Variants in MMP16 observed in about 807,000 individuals in gnomAD.
The protein encoded by MMP16 is matrix metallopeptidase 16.
MMP16 carries 12 observed loss-of-function variants against 67.8 expected under a neutral mutation model. The ratio of observed to expected loss-of-function variants is 0.18; its 90% CI spans 0.11 to 0.29. The LOEUF is 0.29. Among genes scored for constraint, MMP16 ranks in the 10% least tolerant of loss-of-function variants. The probability of loss-of-function intolerance (pLI) is 1.00; values close to 1 mark genes in which losing one functional copy is unlikely to be tolerated. For synonymous variants in MMP16, 249 were observed against 255.9 expected (o/e 0.97, Z 0.26); for missense variants, 475 against 765.7 (o/e 0.62, Z 4.48).
At chr8:88,181,951 C>A (rs1267959694) in intron 3 of MMP16, among the ~76,000 whole-genome samples, 1 of 151,948 alleles carries the variant, frequency 6.6e-6, no homozygotes, top group Non-Finnish European at 1.5e-5. Flanking sequence ...TGGACATTCA[C>A]AAGTAAAAGA....
At position 88,257,332 on chromosome 8, in the gene MMP16, T is replaced by C. The variant is rs762555626; in HGVS notation, c.133-60026A>G. ...ACTTTAGAACCTGTACAAGGTAGAG[T>C]AGAGTAGAGAAAGGAGTAACCTTCC... On this transcript the variant is annotated intron_variant, in intron 1 of 9. Transcript: ENST00000286614. Among the ~76,000 whole-genome samples the C allele has an allele frequency of 2.0e-5, 3 of 152,014 alleles. No individual in the cohort carries two copies. In the South Asian group the frequency reaches 6.2e-4, roughly 31 times the overall value.
chr8:88,172,640 T>A (rs1242029710), intron 3 of MMP16, among the ~76,000 whole-genome samples: 1 of 152,202 alleles, frequency 6.6e-6, no homozygotes, highest in Non-Finnish European at 1.5e-5. Flanking sequence ...ATGAAGCTAA[T>A]TTAATTTTAA....
Position 88,068,903 on chromosome 8 carries a change from T to C in MMP16, c.1222+5702A>G, listed in dbSNP as rs1484077075. Among the ~76,000 whole-genome samples, 3 of 152,098 alleles carry C rather than the reference T, an allele frequency of 2.0e-5. No homozygotes were observed. In the East Asian group the frequency reaches 5.8e-4, roughly 29 times the overall value. On this transcript the variant is annotated intron_variant, in intron 7 of 9. Transcript: ENST00000286614. ...TTTTAGTAGAGCTGGGATTTCACCA[T>C]GTTGGCCAGGCTGGTCTTGAACTCC...
At chr8:88,114,960 C>T (rs1809403935) in intron 6 of MMP16, among the ~76,000 whole-genome samples, 1 of 151,882 alleles carries the variant, frequency 6.6e-6, no homozygotes, top group South Asian at 2.1e-4. Context: ...TAGTCAACAG[C>T]ACTTACTAAA....
chr8:88,222,078 C>A (rs1156356686), intron 1 of MMP16, among the ~76,000 whole-genome samples: 1 of 151,716 alleles, frequency 6.6e-6, no homozygotes, highest in African/African-American at 2.4e-5. Flanking sequence ...ATAAAAATAG[C>A]ATTTTATTAT....
At position 88,041,069 on chromosome 8, in the gene MMP16, C is replaced by CT. The variant is rs201990675; in HGVS notation, c.*391dup. ...GAAAAACCGTGGGTTTTCTGATTTG[C>CT]TTTTTTTTTCTCCCCCCAGAAATGG... On this transcript the variant is annotated 3_prime_UTR_variant, in exon 10 of 10. Coordinates refer to ENST00000286614, the MANE Select transcript of MMP16 (RefSeq NM_005941.5). This position sits in a 1 kb window ranked among gnomAD's most constrained non-coding sequence, Gnocchi z 6.0. The CT allele has an allele frequency of 7.3e-4, 117 of 159,784 alleles. No homozygotes were observed. Among genetic ancestry groups the CT allele is most frequent in the African/African-American group, 2.1e-3 (89 of 41,558 alleles). The allele number at this position is 159,784 out of a possible 1,614,324, so 9.9% of individuals were successfully genotyped here. A position where few individuals can be genotyped will look rare whatever the true frequency, so the allele number is the denominator to read the frequency against.
chr8:88,270,710 G>C (rs1310315347), intron 1 of MMP16, among the ~76,000 whole-genome samples: 2 of 152,140 alleles, frequency 1.3e-5, no homozygotes, highest in African/African-American at 4.8e-5. Context: ...TTAATTGTCA[G>C]GTCAATTGTC....
At chr8:88,078,997 G>C (rs1214723337) in intron 6 of MMP16, among the ~76,000 whole-genome samples, 1 of 152,080 alleles carries the variant, frequency 6.6e-6, no homozygotes, top group Non-Finnish European at 1.5e-5. Context: ...TGAGATGACT[G>C]CAATGCCAAT....
chr8:88,086,830 T>C (rs1480798693), intron 6 of MMP16, among the ~76,000 whole-genome samples: 1 of 151,942 alleles, frequency 6.6e-6, no homozygotes, highest in Non-Finnish European at 1.5e-5. Context: ...CATTGTTCTC[T>C]GAAATTACCT....
intron 7 of MMP16, among the ~76,000 whole-genome samples, chr8:88,070,648 T>A (rs545554199): frequency 6.6e-6 from 1 of 152,192 alleles, no homozygotes; most frequent in Non-Finnish European, 1.5e-5. Context: ...AACTCTCAGC[T>A]CTGTATCTTC....
At chr8:88,077,342 T>C (rs938304051) in intron 6 of MMP16, among the ~76,000 whole-genome samples, 6 of 152,192 alleles carry the variant, frequency 3.9e-5, no homozygotes, top group African/African-American at 7.2e-5. Context: ...AGAGAAAAGA[T>C]ACTTAAAATG....
intron 2 of MMP16, among the ~76,000 whole-genome samples, chr8:88,187,471 C>T (rs1396546167): frequency 1.3e-5 from 2 of 151,874 alleles, no homozygotes; most frequent in African/African-American, 4.8e-5. Context: ...TTTATTAGCC[C>T]CTTTATTTTA....
At chr8:88,072,859 G>C (rs1007282349) in intron 7 of MMP16, among the ~76,000 whole-genome samples, 1 of 152,114 alleles carries the variant, frequency 6.6e-6, no homozygotes, top group South Asian at 2.1e-4. Context: ...TACTTACATA[G>C]GGTGGGCAGG....
At chr8:88,153,343 T>C (rs1459541578) in intron 4 of MMP16, among the ~76,000 whole-genome samples, 2 of 152,116 alleles carry the variant, frequency 1.3e-5, no homozygotes, top group Non-Finnish European at 2.9e-5. Context: ...AATGACTTTC[T>C]TCACAGAATT....
intron 1 of MMP16, among the ~76,000 whole-genome samples, chr8:88,220,867 T>C (rs1204224822): frequency 6.6e-6 from 1 of 152,010 alleles, no homozygotes; most frequent in South Asian, 2.1e-4. Flanking sequence ...ACTTAGAAGA[T>C]TGAGTATATG....
intron 1 of MMP16, among the ~76,000 whole-genome samples, chr8:88,265,692 T>A (rs1301338816): frequency 6.6e-6 from 1 of 152,196 alleles, no homozygotes; most frequent in Non-Finnish European, 1.5e-5. Flanking sequence ...AATCATATCT[T>A]GTTTTTTAAG....
At chr8:88,295,998 A>G (rs1250442979) in intron 1 of MMP16, among the ~76,000 whole-genome samples, 4 of 152,144 alleles carry the variant, frequency 2.6e-5, no homozygotes, top group Non-Finnish European at 4.4e-5. Context: ...ATACATTAAT[A>G]AAAATTTCAT....
intron 3 of MMP16, among the ~76,000 whole-genome samples, chr8:88,184,919 G>A (rs1809049991): frequency 6.6e-6 from 1 of 151,856 alleles, no homozygotes; most frequent in Admixed American, 6.6e-5. Context: ...TGAACTTATT[G>A]GTATAATACT....
At chr8:88,290,889 T>A (rs573875057) in intron 1 of MMP16, among the ~76,000 whole-genome samples, 1 of 152,198 alleles carries the variant, frequency 6.6e-6, no homozygotes, top group Admixed American at 6.5e-5. Context: ...ATTTTATTTA[T>A]GTAAATATAA....
Sources: allele counts gnomAD v4.1 joint callset (sites outside exome capture counted in the v4.1 genomes callset), GRCh38; gene constraint gnomAD v4.1.1; non-coding constraint Gnocchi (gnomAD v3.1); transcripts MANE v1.5; gene names NCBI Gene and HGNC (gene_info 2026-07-23, HGNC 2026-07-21).